The following ALK variants were observed in gnomAD, a reference collection of about 807,000 sequenced individuals.
ALK encodes ALK receptor tyrosine kinase.
ALK carries 74 observed loss-of-function variants against 163.1 expected under a neutral mutation model. That is an observed-to-expected ratio of 0.45 (90% CI 0.38 to 0.55). The LOEUF is 0.55. Ranked by LOEUF, ALK falls within the 20% of genes least tolerant of loss-of-function variation. The pLI is 0.00. For synonymous variants in ALK, 960 were observed against 843.2 expected (o/e 1.14, Z -2.40); for missense variants, 2,063 against 2,105.3 (o/e 0.98, Z 0.39).
intron 4 of ALK, among the ~76,000 whole-genome samples, chr2:29,398,231 G>A (rs1372987242): frequency 1.3e-5 from 2 of 152,168 alleles, no homozygotes; most frequent in African/African-American, 2.4e-5. Context: ...AATCAATACA[G>A]TAAGAAAGCC....
chr2:29,470,437 A>T lies in ALK; in HGVS notation c.1154+61478T>A, dbSNP rs181563961. 3.9e-5 allele frequency among the ~76,000 whole-genome samples: 6 copies of T among 152,344 alleles called. No individual in the cohort carries two copies. In the East Asian group the frequency reaches 1.2e-3, roughly 29 times the overall value. On this transcript the variant is annotated intron_variant, in intron 4 of 28. Transcript: ENST00000389048. ...AACTATGCCTAGTCACATCATAATA[A>T]AGCTGCTGAAAATCAAAGACAGAAA...
chr2:29,824,753 C>A (rs1017301616), intron 1 of ALK, among the ~76,000 whole-genome samples: 2 of 152,114 alleles, frequency 1.3e-5, no homozygotes, highest in Non-Finnish European at 2.9e-5. Context: ...TTTACAGGCT[C>A]GTAGGCAGAA....
At chr2:29,422,731 C>T (rs185679903) in intron 4 of ALK, among the ~76,000 whole-genome samples, 1 of 152,182 alleles carries the variant, frequency 6.6e-6, no homozygotes, top group East Asian at 1.9e-4. Flanking sequence ...CATGAGAGTC[C>T]TCATCTAAAG....
rs539592530 is a variant in ALK at position 29,366,928 on chromosome 2, C to A, written c.1282+16804G>T. On this transcript the variant is annotated intron_variant, in intron 5 of 28. Transcript: ENST00000389048. ...ATGTAAGATTTATATTCTCTATATG[C>A]TCCTGAAGGTCCTTTCCAATTGGTC... Among the ~76,000 whole-genome samples, 31 of 152,264 alleles carry A rather than the reference C, an allele frequency of 2.0e-4. No homozygotes were observed. In the South Asian group the frequency reaches 5.8e-3, roughly 29 times the overall value.
chr2:29,795,874 C>T (rs1287408585), intron 1 of ALK, among the ~76,000 whole-genome samples: 1 of 152,034 alleles, frequency 6.6e-6, no homozygotes, highest in African/African-American at 2.4e-5. Context: ...ATTAGCATGA[C>T]ATTTTTATAA....
intron 3 of ALK, among the ~76,000 whole-genome samples, chr2:29,665,318 C>A (rs559575786): frequency 6.6e-6 from 1 of 151,960 alleles, no homozygotes; most frequent in East Asian, 1.9e-4. Context: ...CTTCCACAAC[C>A]CCTGACCCTC....
intron 12 of ALK, among the ~76,000 whole-genome samples, chr2:29,250,031 C>T (rs1037956643): frequency 6.6e-6 from 1 of 152,248 alleles, no homozygotes; most frequent in Non-Finnish European, 1.5e-5. Flanking sequence ...AACAGGGCAA[C>T]TTGAGAAGTC....
intron 1 of ALK, among the ~76,000 whole-genome samples, chr2:29,916,721 G>A (rs1414749964): frequency 6.6e-6 from 1 of 152,122 alleles, no homozygotes; most frequent in Non-Finnish European, 1.5e-5. Context: ...AGGGAAATAG[G>A]CCTCCTATCC....
rs1310942059 is a variant in ALK at position 29,323,168 on chromosome 2, C to T, written c.1415-2286G>A. ...CAGTATTAGTGTCTATTTTACTGAGCTGGTTTGAGGATAAAGTAGGGGAGA... is the reference window on the plus strand; with the variant it reads ...CAGTATTAGTGTCTATTTTACTGAGTTGGTTTGAGGATAAAGTAGGGGAGA... On this transcript the variant is annotated intron_variant, in intron 6 of 28. Transcript: ENST00000389048. 2.6e-5 allele frequency among the ~76,000 whole-genome samples: 4 copies of T among 152,146 alleles called. No individual in the cohort carries two copies. The East Asian group carries it at 7.7e-4, about 29-fold the overall frequency.
rs538289926 is a variant in ALK, at chr2:29,730,142, G to A, written c.668-12445C>T. Among the ~76,000 whole-genome samples, 32 of 152,316 alleles carry A rather than the reference G, an allele frequency of 2.1e-4. No homozygotes were observed. In the South Asian group the frequency reaches 6.4e-3, roughly 31 times the overall value. On this transcript the variant is annotated intron_variant, in intron 1 of 28. Transcript: ENST00000389048. The stretch of plus-strand genomic sequence containing the variant: ...TTGGCAAGGACCTGCCATTAAATGC[G>A]GCACAAGCTCCGAGAAAGCAAAGGC...
At chr2:29,767,066 A>G (rs1406709019) in intron 1 of ALK, among the ~76,000 whole-genome samples, 1 of 152,244 alleles carries the variant, frequency 6.6e-6, no homozygotes, top group Non-Finnish European at 1.5e-5. Context: ...TTGGCAATGT[A>G]CTACAAAATA....
chr2:29,914,495 T>C (rs556563282), intron 1 of ALK, among the ~76,000 whole-genome samples: 1 of 152,336 alleles, frequency 6.6e-6, no homozygotes, highest in East Asian at 1.9e-4. Context: ...CAGCTGTTGC[T>C]ATTATATAAA....
intron 2 of ALK, among the ~76,000 whole-genome samples, chr2:29,698,641 C>G (rs2541206): frequency 0.79 from 119,926 of 152,134 alleles, 47,866 homozygotes; most frequent in Non-Finnish European, 0.86. Context: ...ACAGACAGTG[C>G]AATATACAAT....
intron 1 of ALK, among the ~76,000 whole-genome samples, chr2:29,765,233 A>G (rs1222917863): frequency 6.6e-6 from 1 of 152,188 alleles, no homozygotes; most frequent in Non-Finnish European, 1.5e-5. Context: ...AGTTCTGTGA[A>G]AGCATTGCCC....
chr2:29,749,628 C>A (rs897876036), intron 1 of ALK, among the ~76,000 whole-genome samples: 1 of 152,132 alleles, frequency 6.6e-6, no homozygotes, highest in Non-Finnish European at 1.5e-5. Context: ...CTCCATAGGG[C>A]GGTGGGCCCA....
chr2:29,380,204 C>T (rs1376747780), intron 5 of ALK, among the ~76,000 whole-genome samples: 1 of 151,156 alleles, frequency 6.6e-6, no homozygotes. Flanking sequence ...CTCCTGGGTT[C>T]AAGTGATTCT....
intron 5 of ALK, among the ~76,000 whole-genome samples, chr2:29,378,487 A>G (rs1668812512): frequency 6.6e-6 from 1 of 152,166 alleles, no homozygotes; most frequent in East Asian, 1.9e-4. Flanking sequence ...GACTTTGAGG[A>G]AATTACTTAG....
At position 29,641,472 on chromosome 2, in the gene ALK, G is replaced by C. The variant is rs528080765; in HGVS notation, c.952+53378C>G. Among the ~76,000 whole-genome samples the C allele has an allele frequency of 2.6e-5, 4 of 152,180 alleles. No homozygotes were observed. The South Asian group carries it at 8.3e-4, about 32-fold the overall frequency. On this transcript the variant is annotated intron_variant, in intron 3 of 28. Coordinates refer to ENST00000389048, the MANE Select transcript of ALK (RefSeq NM_004304.5). Reference sequence around the variant, plus strand: ...AGTTGGATCTGCTGAACAGCCCCTGGGAAAAACAGGGGCCCTGAGACAGAC... The same window carrying C: ...AGTTGGATCTGCTGAACAGCCCCTGCGAAAAACAGGGGCCCTGAGACAGAC...
chr2:29,310,984 C>A (rs1303818366), intron 8 of ALK, among the ~76,000 whole-genome samples: 2 of 152,238 alleles, frequency 1.3e-5, no homozygotes, highest in African/African-American at 4.8e-5. Flanking sequence ...TGGAAAAAGC[C>A]ATTTGGAAAA....
Sources: allele counts gnomAD v4.1 joint callset (sites outside exome capture counted in the v4.1 genomes callset), GRCh38; gene constraint gnomAD v4.1.1; transcripts MANE v1.5; gene names NCBI Gene and HGNC (gene_info 2026-07-23, HGNC 2026-07-21).